Variants in CIT observed in about 807,000 individuals in gnomAD.
CIT encodes citron rho-interacting serine/threonine kinase, also known as citron Rho-interacting kinase.
Under a neutral mutation model 272.7 loss-of-function variants are expected in CIT, and 79 were observed. That is an observed-to-expected ratio of 0.29 (90% CI 0.24 to 0.35). The LOEUF (loss-of-function observed/expected upper bound fraction) is 0.35, where lower values mean the gene tolerates loss of function less well. CIT is among the 10% of genes least tolerant of loss of function. The pLI, the probability that CIT is intolerant of heterozygous loss-of-function variation, is 1.00. For synonymous variants in CIT, 948 were observed against 995.6 expected (o/e 0.95, Z 0.90); for missense variants, 1,909 against 2,618.3 (o/e 0.73, Z 5.91).
At chr12:119,867,957 G>A (rs145866163) in intron 3 of CIT, among the ~76,000 whole-genome samples, 252 of 152,302 alleles carry the variant, frequency 1.7e-3, no homozygotes, top group African/African-American at 5.5e-3. Flanking sequence ...GGCCAGGCAT[G>A]GTGGCTCACA....
At chr12:119,813,754 C>T (rs1165632745) in intron 9 of CIT, among the ~76,000 whole-genome samples, 5 of 152,194 alleles carry the variant, frequency 3.3e-5, no homozygotes, top group African/African-American at 1.2e-4. Context: ...CTGGCTTGCA[C>T]TAAGAGGCCC....
At chr12:119,813,151 G>C (rs1966872269) in intron 9 of CIT, among the ~76,000 whole-genome samples, 1 of 152,196 alleles carries the variant, frequency 6.6e-6, no homozygotes, top group South Asian at 2.1e-4. Context: ...TGCTTGCCCT[G>C]CCAAGAATAA....
intron 23 of CIT, among the ~76,000 whole-genome samples, chr12:119,745,459 T>C (rs890220393): frequency 1.1e-5 from 1 of 87,012 alleles, no homozygotes; most frequent in Non-Finnish European, 2.4e-5. Flanking sequence ...GAAGGTAATA[T>C]AAAAACTTTT....
At position 119,687,212 on chromosome 12, in the gene CIT, AC is replaced by A. The variant is rs1321180060; in HGVS notation, c.*1019del. The stretch of plus-strand genomic sequence containing the variant: ...ATGGTATTAATACATTGGCAGAGCA[AC>A]CCAAGGGGGCAGCACATGCAGTGAA... On this transcript the variant is annotated 3_prime_UTR_variant, in exon 48 of 48. Coordinates refer to ENST00000392521, the MANE Select transcript of CIT (RefSeq NM_001206999.2). 2 of 152,532 alleles carry A rather than the reference AC, an allele frequency of 1.3e-5. No individual in the cohort carries two copies. The highest frequency in any genetic ancestry group is 4.8e-5 in the African/African-American group (2 of 41,420). 9.4% of individuals were successfully genotyped at this position (152,532 alleles called of 1,614,324 possible).
intron 9 of CIT, among the ~76,000 whole-genome samples, chr12:119,806,361 G>A (rs1422144824): frequency 1.3e-5 from 2 of 152,098 alleles, no homozygotes; most frequent in Non-Finnish European, 2.9e-5. Context: ...TGGGGGAACT[G>A]GAAATATTCT....
chr12:119,800,671 TA>T (rs1253931889), intron 10 of CIT, among the ~76,000 whole-genome samples: 1 of 152,054 alleles, frequency 6.6e-6, no homozygotes, highest in Non-Finnish European at 1.5e-5. Context: ...TGTGTGTAAA[TA>T]AAAACCTGTG....
intron 23 of CIT, among the ~76,000 whole-genome samples, chr12:119,745,398 A>AAAAAAAAAAAAAAAAAC (rs1372544069): frequency 6.9e-6 from 1 of 145,084 alleles, no homozygotes. Context: ...AAAAAAAAAA[A>AAAAAAAAAAAAAAAAAC]CACCTGTCCA....
chr12:119,751,426 C>T (rs929803589), intron 23 of CIT, among the ~76,000 whole-genome samples: 2 of 151,356 alleles, frequency 1.3e-5, no homozygotes, highest in African/African-American at 4.9e-5. Flanking sequence ...GGTTTCAATC[C>T]AGTAACACCC....
At chr12:119,872,313 C>T (rs1052172060) in intron 2 of CIT, among the ~76,000 whole-genome samples, 2 of 151,976 alleles carry the variant, frequency 1.3e-5, no homozygotes, top group Non-Finnish European at 2.9e-5. Context: ...CTCAGAAAGT[C>T]TGACAATCAC....
At chr12:119,696,823 C>A (rs1046504759) in intron 46 of CIT, among the ~76,000 whole-genome samples, 1 of 152,012 alleles carries the variant, frequency 6.6e-6, no homozygotes, top group Non-Finnish European at 1.5e-5. Flanking sequence ...CACCGCACCA[C>A]CTCCCCTCCT....
At chr12:119,850,943 T>G (rs957903077) in intron 4 of CIT, among the ~76,000 whole-genome samples, 2 of 152,156 alleles carry the variant, frequency 1.3e-5, no homozygotes, top group Non-Finnish European at 2.9e-5. Context: ...GTAGATTGGA[T>G]GCATACAGAT....
In CIT at chr12:119,690,943, G is replaced by A. The variant is rs1331996659; in HGVS notation, c.5883-489C>T. ...AATCCCAGCACTTTGGGAGGCCGAG[G>A]CAGGTAGATCACGAGGTCAGGAGAT... is the stretch of plus-strand genomic sequence containing the variant. On this transcript the variant is annotated intron_variant, in intron 46 of 47. Coordinates refer to ENST00000392521, the MANE Select transcript of CIT (RefSeq NM_001206999.2). This position sits in a 1 kb window ranked among gnomAD's most constrained non-coding sequence, Gnocchi z 6.0. 6.6e-6 allele frequency among the ~76,000 whole-genome samples: 1 copy of A among 152,190 alleles called. No individual in the cohort carries two copies. Among genetic ancestry groups the A allele is most frequent in the Non-Finnish European group, 1.5e-5 (1 of 68,038 alleles).
intron 16 of CIT, among the ~76,000 whole-genome samples, chr12:119,773,253 G>A (rs1048583513): frequency 1.3e-5 from 2 of 151,976 alleles, no homozygotes; most frequent in Non-Finnish European, 2.9e-5. Flanking sequence ...TCTTCGATTC[G>A]ATGCAACGTA....
At chr12:119,748,706 A>G (rs1379836746) in intron 23 of CIT, among the ~76,000 whole-genome samples, 3 of 152,260 alleles carry the variant, frequency 2.0e-5, no homozygotes, top group African/African-American at 7.2e-5. Context: ...CTATGCAGGG[A>G]GAAGGATTCC....
Position 119,850,463 on chromosome 12 carries a change from G to GGGGAAGGGAAAGGGAAGGAAA in CIT, c.415-209_415-189dup, listed in dbSNP as rs1248879294. 1.8e-3 allele frequency among the ~76,000 whole-genome samples: 269 copies of GGGGAAGGGAAAGGGAAGGAAA among 147,918 alleles called. 1 individual carries two copies. The highest frequency in any genetic ancestry group is 6.3e-3 in the African/African-American group (252 of 39,880). On this transcript the variant is annotated intron_variant, in intron 4 of 47. Coordinates refer to ENST00000392521, the MANE Select transcript of CIT (RefSeq NM_001206999.2). Reference sequence around the variant, plus strand: ...GGAAAGGGAAGGAAAGGGAAGGGAAGGGGAAGGGAAAGGGAAGGAAAGGGA... The same window carrying GGGGAAGGGAAAGGGAAGGAAA: ...GGAAAGGGAAGGAAAGGGAAGGGAAGGGGAAGGGAAAGGGAAGGAAAGGGAAGGGAAAGGGAAGGAAAGGGA...
intron 32 of CIT, among the ~76,000 whole-genome samples, chr12:119,715,037 C>T (rs887917638): frequency 4.6e-5 from 7 of 152,174 alleles, no homozygotes; most frequent in African/African-American, 1.7e-4. Flanking sequence ...TGGGAGATAA[C>T]TGAATCATGC....
intron 24 of CIT, among the ~76,000 whole-genome samples, chr12:119,738,508 C>T (rs1342819780): frequency 3.3e-5 from 5 of 152,116 alleles, no homozygotes; most frequent in Admixed American, 6.5e-5. Flanking sequence ...ATCTTCACAA[C>T]GCAGGCGCCA....
In CIT at chr12:119,713,494, G is replaced by A. The variant is rs762485040; in HGVS notation, c.4461C>T (p.His1487=). ...TGGGCACCTTCATCCACCCTTCCAG[G>A]TGCAAGCTGCTGCTGGGCTCCTTGG... is the stretch of plus-strand genomic sequence containing the variant. ...LQTKEPSSSL[H]LEGWMKVPRN... is the part of the protein sequence containing the mutation. Residue 1487 remains histidine (H), a synonymous_variant, in exon 34 of 48, where the codon CAC becomes CAT. Coordinates refer to ENST00000392521, the MANE Select transcript of CIT (RefSeq NM_001206999.2). This position sits in a 1 kb window ranked among gnomAD's most constrained non-coding sequence, Gnocchi z 5.2. 3.1e-6 allele frequency: 5 copies of A among 1,614,068 alleles called. No individual in the cohort carries two copies. The highest frequency in any genetic ancestry group is 4.2e-6 in the Non-Finnish European group (5 of 1,180,050).
chr12:119,811,535 C>T (rs1361854535), intron 9 of CIT, among the ~76,000 whole-genome samples: 1 of 152,172 alleles, frequency 6.6e-6, no homozygotes, highest in East Asian at 1.9e-4. Flanking sequence ...CTAAACAATG[C>T]CAGGGTCTGG....
Sources: gnomAD v4.1 joint callset for allele counts (sites outside exome capture counted in the v4.1 genomes callset) on GRCh38, gnomAD v4.1.1 for gene constraint, Gnocchi (gnomAD v3.1) non-coding constraint, MANE v1.5 for transcripts, NCBI Gene and HGNC (gene_info 2026-07-23, HGNC 2026-07-21) for gene names.